TTC21A: variants seen among roughly 807,000 people sequenced by gnomAD.
TTC21A encodes tetratricopeptide repeat domain 21A.
A neutral mutation model predicts 156.4 loss-of-function variants in TTC21A; 128 were observed. That is an observed-to-expected ratio of 0.82 (90% CI 0.71 to 0.95). The LOEUF is 0.95. Among genes scored for constraint, TTC21A ranks in the 40% least tolerant of loss-of-function variants. TTC21A has a pLI of 0.00. For missense variants in TTC21A, 1,435 were observed against 1,602.3 expected (o/e 0.90, Z 1.78); for synonymous variants, 587 against 617.1 (o/e 0.95, Z 0.72).
intron 7 of TTC21A, 47 bp from the exon 8 acceptor site, chr3:39,119,875 C>T (rs2125791396): frequency 7.2e-6 from 10 of 1,383,954 alleles, no homozygotes; most frequent in African/African-American, 6.0e-5. Context: ...CGGCGCAACT[C>T]TGACCTTGCA....
In TTC21A at chr3:39,118,246, G is replaced by T. The variant is rs189647385; in HGVS notation, c.801+93G>T. 1,307 of 1,231,708 alleles carry T rather than the reference G, an allele frequency of 1.1e-3. 10 individuals carry two copies. In the Middle Eastern group the frequency reaches 0.013, roughly 12 times the overall value. The allele number at this position is 1,231,708 out of a possible 1,614,324, so 76.3% of individuals were successfully genotyped here. On this transcript the variant is annotated intron_variant, in intron 7 of 28. Transcript: ENST00000683103. ...TGCACCTGACCCAAAGCCCTTGTAG[G>T]GAGCTCCTGGATCTCAGCTTCCTCT...
chr3:39,109,322 C>G (rs2036583664), intron 2 of TTC21A, 108 bp downstream of exon 2: 4 of 1,244,528 alleles, frequency 3.2e-6, no homozygotes, highest in Non-Finnish European at 4.5e-6. Flanking sequence ...CCCATAAAAA[C>G]AGTTTCACAC....
chr3:39,122,683 C>T lies in TTC21A; in HGVS notation c.1093+1494C>T, dbSNP rs575838226. Among the ~76,000 whole-genome samples the T allele has an allele frequency of 2.0e-5, 3 of 152,310 alleles. No individual in the cohort carries two copies. In the South Asian group the frequency reaches 6.2e-4, roughly 32 times the overall value. ...TGTTGGGGCAGGAGGGAGAGGAGCA[C>T]TGCTCTGGATGATTTCCCACCATAA... is the stretch of plus-strand genomic sequence containing the variant. On this transcript the variant is annotated intron_variant, in intron 9 of 28. Transcript: ENST00000683103.
chr3:39,136,781 T>C, intron 23 of TTC21A, 118 bp from the exon 24 acceptor site: 4 of 1,351,700 alleles, frequency 3.0e-6, no homozygotes, highest in Non-Finnish European at 4.1e-6. Context: ...CCAGGGGAGC[T>C]GGGAAACCAG....
chr3:39,121,293 G>A, intron 9 of TTC21A, 104 bp downstream of exon 9: 4 of 1,059,550 alleles, frequency 3.8e-6, no homozygotes, highest in Non-Finnish European at 4.1e-6. Context: ...TCCTTGAAGG[G>A]TATGTGAATT....
intron 23 of TTC21A, 187 bp downstream of exon 23, chr3:39,136,694 G>A: frequency 1.0e-6 from 1 of 991,084 alleles, no homozygotes; most frequent in African/African-American, 1.6e-5. Flanking sequence ...GCAGCCTCTG[G>A]ATGGAGGCCA....
chr3:39,110,365 G>A (rs866076742), intron 3 of TTC21A: 6 of 600,790 alleles, frequency 1.0e-5, no homozygotes, highest in South Asian at 3.9e-5. Flanking sequence ...GCCCATGACA[G>A]TGGGAGGGGC....
chr3:39,130,683 T>C lies in TTC21A; in HGVS notation c.2320-18T>C. On this transcript the variant is annotated intron_variant, in intron 17 of 28. Coordinates refer to ENST00000683103, the MANE Select transcript of TTC21A (RefSeq NM_001366900.1). The surrounding 1 kb of genome is among the most constrained non-coding windows in gnomAD (Gnocchi z 4.5). Reference sequence around the variant, plus strand: ...GGCAGAACCAGGCCAGAGGCTAATATTTACTGTTTGCACTAAGGCAATTGA... The same window carrying C: ...GGCAGAACCAGGCCAGAGGCTAATACTTACTGTTTGCACTAAGGCAATTGA... 6.2e-7 allele frequency: 1 copy of C among 1,613,874 alleles called. No individual in the cohort carries two copies. Among genetic ancestry groups the C allele is most frequent in the Non-Finnish European group, 8.5e-7 (1 of 1,179,864 alleles).
chr3:39,120,915 G>T, intron 8 of TTC21A, 82 bp from the exon 9 acceptor site: 1 of 1,285,122 alleles, frequency 7.8e-7, no homozygotes, highest in Non-Finnish European at 1.1e-6. Flanking sequence ...GCCTACCAAA[G>T]TGTCCCCCGT....
chr3:39,112,320 C>A, intron 4 of TTC21A, 138 bp from the exon 5 acceptor site: 1 of 808,732 alleles, frequency 1.2e-6, no homozygotes, highest in Non-Finnish European at 2.0e-6. Context: ...TGAGAGAGAG[C>A]TGGCTGCCCT....
chr3:39,134,722 T>A lies in TTC21A; in HGVS notation c.2863-371T>A. ...TGGCCCAGGAGCAGAAGCTGAGCCCTTGCAGAGCAAGGAGGGGTCCTCATC... is the reference window on the plus strand; with the variant it reads ...TGGCCCAGGAGCAGAAGCTGAGCCCATGCAGAGCAAGGAGGGGTCCTCATC... On this transcript the variant is annotated intron_variant, in intron 21 of 28. Transcript: ENST00000683103. This position sits in a 1 kb window ranked among gnomAD's most constrained non-coding sequence, Gnocchi z 4.6. 2.1e-6 allele frequency: 1 copy of A among 469,364 alleles called. No homozygotes were observed. The highest frequency in any genetic ancestry group is 2.2e-5 in the South Asian group (1 of 44,878). 29.1% of individuals were successfully genotyped at this position (469,364 alleles called of 1,614,324 possible). A position where few individuals can be genotyped will look rare whatever the true frequency, so the allele number is the denominator to read the frequency against.
rs750881566 is a variant in TTC21A at position 39,125,513 on chromosome 3, T to A, written c.1373T>A (p.Leu458Ter). The change falls in exon 11 of 29, where the codon TTG becomes TAG. Residue 458 changes from leucine (L) to a stop codon, truncating the protein, a stop_gained. Coordinates refer to ENST00000683103, the MANE Select transcript of TTC21A (RefSeq NM_001366900.1). LOFTEE classifies it high-confidence loss of function. ...YFLVCIAKEYLLFCPKQPRLP... is the reference protein window; with the variant it reads ...YFLVCIAKEY Reference sequence around the variant, plus strand: ...CTGGTCTGCATTGCTAAGGAGTACTTGCTCTTCTGCCCCAAGCAGGTTAGG... The same window carrying A: ...CTGGTCTGCATTGCTAAGGAGTACTAGCTCTTCTGCCCCAAGCAGGTTAGG... The A allele has an allele frequency of 6.2e-7, 1 of 1,613,476 alleles. No homozygotes were observed. The highest frequency in any genetic ancestry group is 8.5e-7 in the Non-Finnish European group (1 of 1,179,384).
At position 39,128,861 on chromosome 3, in the gene TTC21A, T is replaced by G. The variant is rs1159981933; in HGVS notation, c.1825T>G (p.Ser609Ala). 6.2e-7 allele frequency: 1 copy of G among 1,614,178 alleles called. No homozygotes were observed. The highest frequency in any genetic ancestry group is 1.7e-5 in the Admixed American group (1 of 60,034). Reference protein sequence around the residue: ...KEEGRKFLRPSVQPSQRASIL... With the variant: ...KEEGRKFLRPAVQPSQRASIL... ...AGAAGGCAGAAAGTTCCTCAGGCCCTCTGTGCAGCCTAGCCAGCGGGCATC... is the reference window on the plus strand; with the variant it reads ...AGAAGGCAGAAAGTTCCTCAGGCCCGCTGTGCAGCCTAGCCAGCGGGCATC... The change falls in exon 14 of 29, where the codon TCT (serine) becomes GCT (alanine). Residue 609 changes from serine to alanine, a missense_variant. Physicochemically the swap from Ser to Ala is moderately conservative, Grantham distance 99. Transcript: ENST00000683103.
At chr3:39,122,047 G>A (rs1210385287) in intron 9 of TTC21A, among the ~76,000 whole-genome samples, 1 of 152,148 alleles carries the variant, frequency 6.6e-6, no homozygotes, top group Non-Finnish European at 1.5e-5. Flanking sequence ...GATGGCTCAC[G>A]CCTGTAATCC....
intron 22 of TTC21A, 115 bp downstream of exon 22, chr3:39,135,289 C>CTG: frequency 2.2e-6 from 2 of 891,936 alleles, no homozygotes; most frequent in South Asian, 1.4e-5. Flanking sequence ...GCCCCTTCCT[C>CTG]CCTGATTGTT....
In TTC21A at chr3:39,130,107, C is replaced by T. The variant is rs1231070437; in HGVS notation, c.2164C>T (p.His722Tyr). The T allele has an allele frequency of 6.2e-7, 1 of 1,614,132 alleles. No individual in the cohort carries two copies. Residue 722 changes from histidine (H) to tyrosine (Y), a missense_variant, in exon 16 of 29, where the codon CAC (histidine) becomes TAC (tyrosine). By Grantham distance (83) the His-to-Tyr change is moderately conservative (BLOSUM62 2). Coordinates refer to ENST00000683103, the MANE Select transcript of TTC21A (RefSeq NM_001366900.1). This position sits in a 1 kb window ranked among gnomAD's most constrained non-coding sequence, Gnocchi z 4.5. ...RELCEHLPGPHTSLLLGDALM... is the reference protein window; with the variant it reads ...RELCEHLPGPYTSLLLGDALM... ...GCTCTGTGAACATCTGCCTGGCCCC[C>T]ACACCAGCCTGCTACTGGGCGATGC...
Position 39,130,768 on chromosome 3 carries a change from A to T in TTC21A, c.2387A>T (p.Lys796Ile), listed in dbSNP as rs373443330. The change falls in exon 18 of 29, where the codon AAA becomes ATA. Residue 796 changes from lysine (K) to isoleucine (I), a missense_variant. Transcript: ENST00000683103. The surrounding 1 kb of genome is among the most constrained non-coding windows in gnomAD (Gnocchi z 4.5). ...GQDFLCCDLG[K>I]LLLKLKKVNK... ...GACTTTCTGTGCTGCGATCTGGGCAAACTGCTCCTGAAGTTAAAGAAGGTC... is the reference window on the plus strand; with the variant it reads ...GACTTTCTGTGCTGCGATCTGGGCATACTGCTCCTGAAGTTAAAGAAGGTC... 41 of 1,614,218 alleles carry T rather than the reference A, an allele frequency of 2.5e-5. No homozygotes were observed. The African/African-American group carries it at 5.3e-4, about 21-fold the overall frequency.
chr3:39,118,102 C>T lies in TTC21A; in HGVS notation c.750C>T (p.Ala250=). Residue 250 remains alanine (A), a synonymous_variant, in exon 7 of 29, where the codon GCC becomes GCT. Coordinates refer to ENST00000683103, the MANE Select transcript of TTC21A (RefSeq NM_001366900.1). ...ILEKDESNID[A]CQILTVHELA... is the part of the protein sequence containing the mutation. ...AAAAAGATGAGAGCAATATTGATGC[C>T]TGCCAAATTCTAACCGTGCATGAGC... The T allele has an allele frequency of 6.2e-7, 1 of 1,614,158 alleles. No homozygotes were observed. Among genetic ancestry groups the T allele is most frequent in the South Asian group, 1.1e-5 (1 of 91,084 alleles).
At chr3:39,112,850 C>T (rs1221211907) in intron 5 of TTC21A, among the ~76,000 whole-genome samples, 2 of 152,128 alleles carry the variant, frequency 1.3e-5, no homozygotes, top group African/African-American at 4.8e-5. Flanking sequence ...AAGGTCTATC[C>T]TTCCTTGACC....
Sources: gnomAD v4.1 joint callset for allele counts (sites outside exome capture counted in the v4.1 genomes callset) on GRCh38, gnomAD v4.1.1 for gene constraint, Gnocchi (gnomAD v3.1) non-coding constraint, MANE v1.5 for transcripts, NCBI Gene and HGNC (gene_info 2026-07-23, HGNC 2026-07-21) for gene names.